Variants in EPHA4 observed in about 807,000 individuals in gnomAD.
EPHA4 encodes ephrin type-A receptor 4.
Under a neutral mutation model 108.3 loss-of-function variants are expected in EPHA4, and 19 were observed. The observed-to-expected ratio is 0.18, with a 90% CI of 0.12 to 0.26. The LOEUF is 0.26. EPHA4 is among the 10% of genes least tolerant of loss of function. The probability of loss-of-function intolerance (pLI) is 1.00; values close to 1 mark genes in which losing one functional copy is unlikely to be tolerated. For synonymous variants in EPHA4, 449 were observed against 455.5 expected, an observed-to-expected ratio of 0.99 and a Z score of 0.18; for missense variants, 917 against 1,254.0, an observed-to-expected ratio of 0.73 and a Z score of 4.06.
chr2:221,507,667 C>T (rs1237000627), intron 3 of EPHA4, among the ~76,000 whole-genome samples: 1 of 151,800 alleles, frequency 6.6e-6, no homozygotes, highest in Non-Finnish European at 1.5e-5. Context: ...TAATCTTTTG[C>T]CTGTGAAAAG....
chr2:221,473,195 G>T (rs3770154), intron 5 of EPHA4, among the ~76,000 whole-genome samples: 26,960 of 152,114 alleles, frequency 0.18, 2,590 homozygotes, highest in East Asian at 0.27. Context: ...GAATGAGAAA[G>T]CATGAGTACA....
chr2:221,459,019 C>T (rs1021756785), intron 5 of EPHA4, among the ~76,000 whole-genome samples: 1 of 152,170 alleles, frequency 6.6e-6, no homozygotes, highest in Non-Finnish European at 1.5e-5. Context: ...GGTCATCCTC[C>T]TGCCCTTTTG....
chr2:221,493,369 T>C (rs937461905), intron 4 of EPHA4, among the ~76,000 whole-genome samples: 5 of 152,052 alleles, frequency 3.3e-5, no homozygotes, highest in Admixed American at 1.3e-4. Context: ...GGGTAGAGAA[T>C]TGAACAGAAT....
intron 5 of EPHA4, among the ~76,000 whole-genome samples, chr2:221,468,252 A>G (rs936800801): frequency 6.6e-6 from 1 of 152,200 alleles, no homozygotes; most frequent in Non-Finnish European, 1.5e-5. Context: ...AAGGCCCCCC[A>G]AAATTATTTT....
At chr2:221,503,054 T>TG (rs903829131) in intron 3 of EPHA4, among the ~76,000 whole-genome samples, 6 of 152,336 alleles carry the variant, frequency 3.9e-5, no homozygotes, top group Admixed American at 6.5e-5. Context: ...GAAGAAGGAC[T>TG]GGGGGTCAAG....
chr2:221,517,638 T>C (rs1693028790), intron 3 of EPHA4, among the ~76,000 whole-genome samples: 1 of 150,042 alleles, frequency 6.7e-6, no homozygotes, highest in South Asian at 2.1e-4. Context: ...TTGCAGGGCA[T>C]TTTTTTTTTT....
chr2:221,470,489 A>AT (rs1388203790), intron 5 of EPHA4, among the ~76,000 whole-genome samples: 1 of 151,846 alleles, frequency 6.6e-6, no homozygotes, highest in African/African-American at 2.4e-5. Flanking sequence ...TGAGGACAAT[A>AT]TTCATGACCC....
At chr2:221,529,929 A>G (rs1025202860) in intron 3 of EPHA4, among the ~76,000 whole-genome samples, 1 of 152,204 alleles carries the variant, frequency 6.6e-6, no homozygotes, top group African/African-American at 2.4e-5. Context: ...TTTTCATCTG[A>G]GGATGTCCGA....
intron 12 of EPHA4, among the ~76,000 whole-genome samples, 198 bp from the exon 13 acceptor site, chr2:221,436,806 T>C (rs1175449254): frequency 1.3e-5 from 2 of 152,200 alleles, no homozygotes; most frequent in Admixed American, 6.5e-5. Flanking sequence ...CTTCCTGTGA[T>C]AGATGGAAAT....
Position 221,418,964 on chromosome 2 carries a change from C to T in EPHA4, c.*2408G>A, listed in dbSNP as rs1689667139. 2 of 152,642 alleles carry T rather than the reference C, an allele frequency of 1.3e-5. No individual in the cohort carries two copies. Among genetic ancestry groups the T allele is most frequent in the East Asian group, 3.8e-4 (2 of 5,200 alleles). The allele number at this position is 152,642 out of a possible 1,614,324, so 9.5% of individuals were successfully genotyped here. Reference sequence around the variant, plus strand: ...TCAACTTTGTCACTCTGGCATAGAACACAATGCCACACACCCTGTCAGAAT... The same window carrying T: ...TCAACTTTGTCACTCTGGCATAGAATACAATGCCACACACCCTGTCAGAAT... On this transcript the variant is annotated 3_prime_UTR_variant, in exon 18 of 18. Transcript: ENST00000281821.
Position 221,425,812 on chromosome 2 carries a change from T to G in EPHA4, c.*216A>C. On this transcript the variant is annotated 3_prime_UTR_variant, in exon 17 of 18. Transcript: ENST00000281821. Reference sequence around the variant, plus strand: ...ACAGAAAAGTACTTCTGAGAAACGATTTGTTCCAGGTCTCATTCAAATGAC... The same window carrying G: ...ACAGAAAAGTACTTCTGAGAAACGAGTTGTTCCAGGTCTCATTCAAATGAC... The G allele has an allele frequency of 1.8e-6, 1 of 540,820 alleles. No homozygotes were observed. The highest frequency in any genetic ancestry group is 2.4e-5 in the South Asian group (1 of 40,906). The allele number at this position is 540,820 out of a possible 1,614,324, so 33.5% of individuals were successfully genotyped here.
chr2:221,559,969 G>C (rs1316774169), intron 3 of EPHA4, among the ~76,000 whole-genome samples: 2 of 152,148 alleles, frequency 1.3e-5, no homozygotes, highest in African/African-American at 2.4e-5. Context: ...CCATCCCCCT[G>C]CCCTCATCCT....
intron 8 of EPHA4, among the ~76,000 whole-genome samples, chr2:221,447,461 C>T (rs1000086353): frequency 1.3e-5 from 2 of 152,138 alleles, no homozygotes; most frequent in Non-Finnish European, 2.9e-5. Flanking sequence ...AGGAGCCAGG[C>T]AGTGCAACCA....
intron 5 of EPHA4, among the ~76,000 whole-genome samples, chr2:221,467,993 A>G (rs1242235722): frequency 6.6e-6 from 1 of 152,194 alleles, no homozygotes; most frequent in African/African-American, 2.4e-5. Flanking sequence ...TAAGGTAAGA[A>G]AATGGGGTGA....
intron 3 of EPHA4, among the ~76,000 whole-genome samples, chr2:221,557,770 C>T (rs1694346888): frequency 6.6e-6 from 1 of 152,156 alleles, no homozygotes; most frequent in Admixed American, 6.5e-5. Context: ...TTTAACATAT[C>T]ATATTGATTC....
At chr2:221,557,704 A>G (rs113400797) in intron 3 of EPHA4, among the ~76,000 whole-genome samples, 5 of 152,198 alleles carry the variant, frequency 3.3e-5, no homozygotes, top group African/African-American at 7.2e-5. Context: ...AAAGGACCCA[A>G]TTGAGTAGAA....
At chr2:221,533,972 C>T (rs1407705214) in intron 3 of EPHA4, among the ~76,000 whole-genome samples, 2 of 152,202 alleles carry the variant, frequency 1.3e-5, no homozygotes, top group African/African-American at 2.4e-5. Flanking sequence ...CCCACATCTG[C>T]GTGACACTCC....
intron 5 of EPHA4, among the ~76,000 whole-genome samples, chr2:221,479,471 C>T (rs575636005): frequency 4.3e-4 from 66 of 152,338 alleles, no homozygotes; most frequent in African/African-American, 1.6e-3. Context: ...GTGCTAAATG[C>T]TAACGTTCAT....
At chr2:221,507,767 C>T (rs1331376273) in intron 3 of EPHA4, among the ~76,000 whole-genome samples, 8 of 152,086 alleles carry the variant, frequency 5.3e-5, no homozygotes, top group Non-Finnish European at 7.4e-5. Context: ...CTCTCAGGTG[C>T]GGCCTAAGCT....
Sources: allele counts gnomAD v4.1 joint callset (sites outside exome capture counted in the v4.1 genomes callset), GRCh38; gene constraint gnomAD v4.1.1; transcripts MANE v1.5; gene names NCBI Gene and HGNC (gene_info 2026-07-23, HGNC 2026-07-21).